Variants in TBXAS1 observed in about 807,000 individuals in gnomAD.
TBXAS1 encodes the protein thromboxane A synthase 1, also known as thromboxane-A synthase.
A neutral mutation model predicts 60.7 loss-of-function variants in TBXAS1; 48 were observed. The ratio of observed to expected loss-of-function variants is 0.79; its 90% CI spans 0.63 to 1.01. The LOEUF is 1.01. Among genes scored for constraint, TBXAS1 ranks in the 50% least tolerant of loss-of-function variants. The pLI is 0.00. For missense variants in TBXAS1, 685 were observed against 686.3 expected, an observed-to-expected ratio of 1.00 and a Z score of 0.02; for synonymous variants, 287 against 269.7, an observed-to-expected ratio of 1.06 and a Z score of -0.63.
At chr7:139,884,508 T>C (rs1802930957) in intron 3 of TBXAS1, among the ~76,000 whole-genome samples, 1 of 152,138 alleles carries the variant, frequency 6.6e-6, no homozygotes, top group Non-Finnish European at 1.5e-5. Context: ...ATAATCCCAT[T>C]TGCCGGGGTA....
At chr7:139,810,603 G>A (rs139270706) in intron 4 of TBXAS1, among the ~76,000 whole-genome samples, 1,688 of 152,284 alleles carry the variant, frequency 0.011, 13 homozygotes, top group Non-Finnish European at 0.018. Context: ...GCATATTTTT[G>A]TATACTATTA....
intron 4 of TBXAS1, among the ~76,000 whole-genome samples, chr7:139,924,992 T>C (rs1253125106): frequency 6.6e-6 from 1 of 152,212 alleles, no homozygotes; most frequent in Non-Finnish European, 1.5e-5. Context: ...TTGTGGGTTT[T>C]CTCTTCTATT....
rs186705764 is a variant in TBXAS1 at position 139,982,050 on chromosome 7, T to C, written c.1134+19817T>C. Among the ~76,000 whole-genome samples the C allele has an allele frequency of 2.6e-3, 403 of 152,318 alleles. 2 individuals are homozygous for C. The highest frequency in any genetic ancestry group is 0.01 in the Middle Eastern group (3 of 294). On this transcript the variant is annotated intron_variant, in intron 9 of 12. Transcript: ENST00000448866. ...CTTAATCTTCTGAAAATTTCCCTCTTGTTTGTTATTTGTTTATGAGTTACT... is the reference window on the plus strand; with the variant it reads ...CTTAATCTTCTGAAAATTTCCCTCTCGTTTGTTATTTGTTTATGAGTTACT...
chr7:139,861,190 AAT>A (rs1308683997), intron 1 of TBXAS1, among the ~76,000 whole-genome samples: 1 of 151,786 alleles, frequency 6.6e-6, no homozygotes, highest in Non-Finnish European at 1.5e-5. Flanking sequence ...AAAAAAAAAA[AAT>A]TCTTCACTTC....
At chr7:139,986,175 T>C (rs1216470436) in intron 9 of TBXAS1, among the ~76,000 whole-genome samples, 4 of 152,210 alleles carry the variant, frequency 2.6e-5, no homozygotes, top group Non-Finnish European at 1.5e-5. Flanking sequence ...CTCTATGCGC[T>C]AGTGTTATTC....
At chr7:139,925,832 T>A (rs1806836814) in intron 4 of TBXAS1, among the ~76,000 whole-genome samples, 1 of 152,188 alleles carries the variant, frequency 6.6e-6, no homozygotes, top group African/African-American at 2.4e-5. Flanking sequence ...CCTTTTAGGA[T>A]TTTTATTATG....
At chr7:139,888,570 A>T (rs1008673552) in intron 3 of TBXAS1, among the ~76,000 whole-genome samples, 2 of 152,140 alleles carry the variant, frequency 1.3e-5, no homozygotes, top group Non-Finnish European at 2.9e-5. Flanking sequence ...TGTTCATGAC[A>T]TATTGAATTC....
At chr7:139,853,700 T>C (rs1800385151) in intron 1 of TBXAS1, among the ~76,000 whole-genome samples, 1 of 152,124 alleles carries the variant, frequency 6.6e-6, no homozygotes, top group Admixed American at 6.5e-5. Context: ...GAGGCAGATG[T>C]CCCTCTTTCA....
intron 8 of TBXAS1, among the ~76,000 whole-genome samples, chr7:139,959,973 C>T (rs1489184981): frequency 6.6e-6 from 1 of 152,114 alleles, no homozygotes; most frequent in African/African-American, 2.4e-5. Context: ...GCCCATTGAC[C>T]GAGCAGCAGG....
chr7:139,833,532 A>T (rs1798850822), intron 1 of TBXAS1, among the ~76,000 whole-genome samples: 1 of 147,584 alleles, frequency 6.8e-6, no homozygotes, highest in African/African-American at 2.6e-5. Context: ...AAAAAAAAAA[A>T]AAATTAGAGG....
intron 3 of TBXAS1, among the ~76,000 whole-genome samples, chr7:139,900,565 C>A (rs1434041506): frequency 6.6e-6 from 1 of 152,214 alleles, no homozygotes; most frequent in African/African-American, 2.4e-5. Context: ...GTTAGGACTT[C>A]CTGATTTCAA....
Position 140,007,139 on chromosome 7 carries a change from A to T in TBXAS1, c.1183A>T (p.Met395Leu), listed in dbSNP as rs758061526. 6.2e-7 allele frequency: 1 copy of T among 1,614,116 alleles called. No homozygotes were observed. The highest frequency in any genetic ancestry group is 2.2e-5 in the East Asian group (1 of 44,890). ...CGAGGAAGGCCTGCCCTATCTGGACATGGTGATTGCAGAGACGCTGAGGAT... is the reference window on the plus strand; with the variant it reads ...CGAGGAAGGCCTGCCCTATCTGGACTTGGTGATTGCAGAGACGCTGAGGAT... Reference protein sequence around the residue: ...SLEEGLPYLDMVIAETLRMYP... With the variant: ...SLEEGLPYLDLVIAETLRMYP... Residue 395 changes from methionine (M) to leucine (L), a missense_variant, in exon 10 of 13, where the codon ATG becomes TTG. By Grantham distance (15) the Met-to-Leu change is conservative. Coordinates refer to ENST00000448866, the MANE Select transcript of TBXAS1 (RefSeq NM_001061.7).
At chr7:139,826,177 A>T (rs955120884), upstream of TBXAS1, among the ~76,000 whole-genome samples, 11 of 152,152 alleles carry the variant, frequency 7.2e-5, no homozygotes, top group South Asian at 1.0e-3. Flanking sequence ...CTGTGGCTGA[A>T]CATGGATTAT....
At chr7:139,867,826 T>TGATAAATA (rs1801533166) in intron 1 of TBXAS1, among the ~76,000 whole-genome samples, 1 of 146,854 alleles carries the variant, frequency 6.8e-6, no homozygotes, top group Non-Finnish European at 1.5e-5. Context: ...CGAAAATAAA[T>TGATAAATA]AATAAATAAA....
intron 5 of TBXAS1, among the ~76,000 whole-genome samples, chr7:139,943,603 T>C (rs1229700114): frequency 6.6e-6 from 1 of 152,210 alleles, no homozygotes; most frequent in Non-Finnish European, 1.5e-5. Flanking sequence ...AGCAGCCACC[T>C]CCTCATTGGG....
At chr7:139,830,396 T>A (rs1437586613) in intron 1 of TBXAS1, among the ~76,000 whole-genome samples, 1 of 152,200 alleles carries the variant, frequency 6.6e-6, no homozygotes, top group Non-Finnish European at 1.5e-5. Context: ...ATTATGCAAA[T>A]GTGAGGTATT....
At chr7:139,826,842 A>T (rs1212584666), upstream of TBXAS1, among the ~76,000 whole-genome samples, 1 of 152,176 alleles carries the variant, frequency 6.6e-6, no homozygotes, top group Non-Finnish European at 1.5e-5. Context: ...CTCCACTCAG[A>T]TGTCTCCAGG....
intron 3 of TBXAS1, among the ~76,000 whole-genome samples, chr7:139,905,388 T>G (rs1015435606): frequency 6.6e-6 from 1 of 152,148 alleles, no homozygotes; most frequent in African/African-American, 2.4e-5. Flanking sequence ...TGATTTTTGT[T>G]TTTAATTCTG....
At chr7:139,868,528 G>A (rs1003939012) in intron 1 of TBXAS1, among the ~76,000 whole-genome samples, 1 of 151,692 alleles carries the variant, frequency 6.6e-6, no homozygotes, top group Non-Finnish European at 1.5e-5. Flanking sequence ...CTGTTGCCCA[G>A]GCTGGAGTGT....
Sources: allele counts gnomAD v4.1 joint callset (sites outside exome capture counted in the v4.1 genomes callset), GRCh38; gene constraint gnomAD v4.1.1; transcripts MANE v1.5; gene names NCBI Gene and HGNC (gene_info 2026-07-23, HGNC 2026-07-21).